The following TUT7 variants were observed in gnomAD, a reference collection of about 807,000 sequenced individuals.
The protein encoded by TUT7 is terminal uridylyltransferase 7.
In TUT7, 33 loss-of-function variants were observed where a neutral mutation model predicts 165.9. The ratio of observed to expected loss-of-function variants is 0.20; its 90% CI spans 0.15 to 0.27. The LOEUF is 0.27. Among genes scored for constraint, TUT7 ranks in the 10% least tolerant of loss-of-function variants. The pLI, the probability that TUT7 is intolerant of heterozygous loss-of-function variation, is 1.00. For missense variants in TUT7, 1,338 were observed against 1,762.3 expected (o/e 0.76, Z 4.31); for synonymous variants, 552 against 608.1 (o/e 0.91, Z 1.36).
chr9:86,336,252 T>G (rs1830769652), intron 10 of TUT7, among the ~76,000 whole-genome samples: 1 of 152,158 alleles, frequency 6.6e-6, no homozygotes, highest in African/African-American at 2.4e-5. Flanking sequence ...TCAAAGACTT[T>G]CACACATTCC....
At chr9:86,342,066 G>A (rs1036672200) in intron 6 of TUT7, among the ~76,000 whole-genome samples, 1 of 152,092 alleles carries the variant, frequency 6.6e-6, no homozygotes, top group Non-Finnish European at 1.5e-5. Flanking sequence ...CAGAATTTAA[G>A]GTTAAAAAAA....
intron 17 of TUT7, among the ~76,000 whole-genome samples, chr9:86,312,469 A>G (rs1828239371): frequency 6.8e-6 from 1 of 147,784 alleles, no homozygotes; most frequent in African/African-American, 2.5e-5. Flanking sequence ...CCCGGCAGCC[A>G]CCCCATCCGG....
At position 86,352,848 on chromosome 9, in the gene TUT7, G is replaced by C; in HGVS notation, c.352C>G (p.Pro118Ala). 6.2e-7 allele frequency: 1 copy of C among 1,614,166 alleles called. No homozygotes were observed. Among genetic ancestry groups the C allele is most frequent in the Non-Finnish European group, 8.5e-7 (1 of 1,180,038 alleles). The part of the protein sequence containing the change: ...GNSDNWREFK[P>A]GPRIPVINRQ... The stretch of plus-strand genomic sequence containing the variant: ...TTTATAACAGGAATTCTAGGTCCAG[G>C]TTTGAATTCTCTCCAGTTGTCTGAA... The change falls in exon 2 of 27, where the codon CCT becomes GCT. Residue 118 changes from proline (P) to alanine (A), a missense_variant. Around this residue, in one of 7 missense-constraint regions of TUT7, gnomAD observed 434 missense variants for 480.8 expected, o/e 0.90. Coordinates refer to ENST00000375963, the MANE Select transcript of TUT7 (RefSeq NM_024617.4).
intron 10 of TUT7, 103 bp from the exon 11 acceptor site, chr9:86,328,595 T>C: frequency 2.2e-6 from 2 of 906,780 alleles, no homozygotes; most frequent in South Asian, 2.3e-5. Context: ...TCAACGAAAA[T>C]ACAAAAGATA....
Position 86,323,206 on chromosome 9 carries a change from C to T in TUT7, c.2544G>A (p.Glu848=), listed in dbSNP as rs375714872. ...TSEMIPSDEE[E]EDDEEEEEEE... is the part of the protein sequence containing the mutation. ...CCTCCTCCTCTTCTTCGTCGTCCTC[C>T]TCCTCTTCATCAGAGGGAATCATTT... The change falls in exon 13 of 27, where the codon GAG becomes GAA. Residue 848 remains glutamate, a synonymous_variant. Coordinates refer to ENST00000375963, the MANE Select transcript of TUT7 (RefSeq NM_024617.4). 2.5e-6 allele frequency: 4 copies of T among 1,614,110 alleles called. No homozygotes were observed. Among genetic ancestry groups the T allele is most frequent in the Non-Finnish European group, 3.4e-6 (4 of 1,180,030 alleles).
rs776678705 is a variant in TUT7, at chr9:86,352,939, G to T, written c.261C>A (p.Pro87=). The change falls in exon 2 of 27, where the codon CCC becomes CCA. Residue 87 remains proline (P), a synonymous_variant. Transcript: ENST00000375963. ...CTTTGTGGCTGTCATTCATCCAAGC[G>T]GGTTGACTGTAGATTGGGTTTTTAA... ...YAFKNPIYSQ[P]AWMNDSHKDQ... is the part of the protein sequence containing the mutation. The T allele has an allele frequency of 2.5e-6, 4 of 1,614,142 alleles. No individual in the cohort carries two copies. The highest frequency in any genetic ancestry group is 2.7e-5 in the African/African-American group (2 of 75,010).
intron 2 of TUT7, among the ~76,000 whole-genome samples, chr9:86,347,389 A>G (rs1264032170): frequency 1.3e-5 from 2 of 152,238 alleles, no homozygotes. Context: ...ACTTATATCG[A>G]GTTTTAAAAA....
chr9:86,301,535 T>G lies in TUT7; in HGVS notation c.4161A>C (p.Arg1387Ser), dbSNP rs1826904679. Residue 1387 changes from arginine to serine, a missense_variant, in exon 26 of 27, where the codon AGA becomes AGC. Arg to Ser is a moderately radical substitution (Grantham distance 110). Around this residue, in one of 7 missense-constraint regions of TUT7, gnomAD observed 167 missense variants for 204.9 expected, o/e 0.82. Transcript: ENST00000375963. Reference sequence around the variant, plus strand: ...TGTGAATTTCTTTGTCCTCTTTGCTTCTTTTTTCCTTGTTCTCAGGGTATC... The same window carrying G: ...TGTGAATTTCTTTGTCCTCTTTGCTGCTTTTTTCCTTGTTCTCAGGGTATC... ...NQRYPENKEKRSKEDKEIHNK... is the reference protein window; with the variant it reads ...NQRYPENKEKSSKEDKEIHNK... 6.2e-7 allele frequency: 1 copy of G among 1,614,130 alleles called. No individual in the cohort carries two copies.
chr9:86,315,607 G>A (rs1828632671), intron 17 of TUT7, among the ~76,000 whole-genome samples: 1 of 152,032 alleles, frequency 6.6e-6, no homozygotes, highest in African/African-American at 2.4e-5. Flanking sequence ...TAATAGTCAC[G>A]CTAACTTAGT....
chr9:86,301,949 G>T, intron 25 of TUT7: 1 of 702,738 alleles, frequency 1.4e-6, no homozygotes, highest in Non-Finnish European at 1.7e-6. Context: ...TGGCACATTA[G>T]CATTCTTTCT....
chr9:86,322,839 T>C, intron 13 of TUT7, 34 bp downstream of exon 13: 1 of 1,536,232 alleles, frequency 6.5e-7, no homozygotes, highest in Non-Finnish European at 8.7e-7. Flanking sequence ...CCTTAAAGTC[T>C]CCTAGTTCTA....
At chr9:86,312,990 C>T (rs1161813875) in intron 17 of TUT7, among the ~76,000 whole-genome samples, 1 of 152,056 alleles carries the variant, frequency 6.6e-6, no homozygotes, top group African/African-American at 2.4e-5. Flanking sequence ...CCGCAGGGTC[C>T]TCTGCCTAGG....
At position 86,323,890 on chromosome 9, in the gene TUT7, A is replaced by T; in HGVS notation, c.1860T>A (p.His620Gln). The T allele has an allele frequency of 6.2e-7, 1 of 1,613,676 alleles. No homozygotes were observed. The highest frequency in any genetic ancestry group is 2.2e-5 in the East Asian group (1 of 44,862). The stretch of plus-strand genomic sequence containing the variant: ...AATACTTGTATGTTGTCCTTAAACA[A>T]TGAAGTATATATTCAAACACAGGTT... ...NSQPVFEYILHCLRTTYKYFA... is the reference protein window; with the variant it reads ...NSQPVFEYILQCLRTTYKYFA... The change falls in exon 13 of 27, where the codon CAT becomes CAA. Residue 620 changes from histidine to glutamine, a missense_variant. His to Gln is a conservative substitution (Grantham distance 24). Transcript: ENST00000375963.
At position 86,333,494 on chromosome 9, in the gene TUT7, C is replaced by G. The variant is rs1269654724; in HGVS notation, c.1455+3925G>C. ...ATACTCAGATTTTTCCTGGCTATGT[C>G]TAGTCTACTAATGAGCCCAAAGGCA... On this transcript the variant is annotated intron_variant, in intron 10 of 26. Transcript: ENST00000375963. Among the ~76,000 whole-genome samples the G allele has an allele frequency of 2.0e-5, 3 of 152,134 alleles. No homozygotes were observed. The South Asian group carries it at 6.2e-4, about 31-fold the overall frequency.
chr9:86,340,261 A>G (rs1028510295), intron 7 of TUT7, among the ~76,000 whole-genome samples, 156 bp from the exon 8 acceptor site: 4 of 152,254 alleles, frequency 2.6e-5, no homozygotes, highest in Non-Finnish European at 5.9e-5. Context: ...AAAGGAAAAA[A>G]TATTACATTC....
chr9:86,312,108 G>C (rs1828163307), intron 17 of TUT7, among the ~76,000 whole-genome samples: 1 of 151,780 alleles, frequency 6.6e-6, no homozygotes, highest in African/African-American at 2.4e-5. Flanking sequence ...GAGCCCCTCT[G>C]CCTGGCTGCC....
chr9:86,288,919 A>T (rs1825715685), intron 26 of TUT7, among the ~76,000 whole-genome samples, 175 bp from the exon 27 acceptor site: 1 of 152,250 alleles, frequency 6.6e-6, no homozygotes, highest in Non-Finnish European at 1.5e-5. Flanking sequence ...CACATGATTA[A>T]TTAAATATAA....
Position 86,340,031 on chromosome 9 carries a change from G to A in TUT7, c.1208+5C>T, listed in dbSNP as rs762289624. The A allele has an allele frequency of 2.5e-5, 40 of 1,612,484 alleles. No homozygotes were observed. Among genetic ancestry groups the A allele is most frequent in the Non-Finnish European group, 3.2e-5 (38 of 1,178,700 alleles). ...TAGTAAATAAACAGTTTAAAGAAAT[G>A]AGACCTTTGCTTTTCTCTGCACACC... is the stretch of plus-strand genomic sequence containing the variant. On this transcript the variant is annotated splice_donor_5th_base_variant and intron_variant, in intron 8 of 26. Transcript: ENST00000375963.
At chr9:86,303,725 TG>T (rs1450926165) in intron 24 of TUT7, among the ~76,000 whole-genome samples, 3 of 152,046 alleles carry the variant, frequency 2.0e-5, no homozygotes, top group Non-Finnish European at 4.4e-5. Context: ...AAAATTAAGG[TG>T]GAGGCCAGCA....
Sources: allele counts gnomAD v4.1 joint callset (sites outside exome capture counted in the v4.1 genomes callset), GRCh38; gene constraint gnomAD v4.1.1; regional missense constraint gnomAD v4.1.1; transcripts MANE v1.5; gene names NCBI Gene and HGNC (gene_info 2026-07-23, HGNC 2026-07-21).